The following THSD7B variants were observed in gnomAD, a reference collection of about 807,000 sequenced individuals.
The protein encoded by THSD7B is thrombospondin type-1 domain-containing protein 7B.
THSD7B carries 138 observed loss-of-function variants against 213.6 expected under a neutral mutation model. That is an observed-to-expected ratio of 0.65 (90% CI 0.56 to 0.74). The LOEUF (loss-of-function observed/expected upper bound fraction) is 0.74, where lower values mean the gene tolerates loss of function less well. Among genes scored for constraint, THSD7B ranks in the 30% least tolerant of loss-of-function variants. The pLI, the probability that THSD7B is intolerant of heterozygous loss-of-function variation, is 0.00. For missense variants in THSD7B, 1,931 were observed against 1,991.5 expected, an observed-to-expected ratio of 0.97 and a Z score of 0.58; for synonymous variants, 742 against 687.0, an observed-to-expected ratio of 1.08 and a Z score of -1.25.
intron 10 of THSD7B, among the ~76,000 whole-genome samples, chr2:137,254,915 A>G (rs540396392): frequency 4.8e-4 from 73 of 152,152 alleles, no homozygotes; most frequent in Non-Finnish European, 4.1e-4. Context: ...ATGTCGAGAC[A>G]GAGAAAGAGT....
chr2:136,933,451 C>A (rs537467828), intron 2 of THSD7B, among the ~76,000 whole-genome samples: 1 of 152,100 alleles, frequency 6.6e-6, no homozygotes, highest in East Asian at 1.9e-4. Flanking sequence ...TGGTAGCTGG[C>A]GCCTGTAGTC....
intron 14 of THSD7B, among the ~76,000 whole-genome samples, chr2:137,418,939 G>C (rs1311111312): frequency 6.6e-6 from 1 of 150,676 alleles, no homozygotes; most frequent in African/African-American, 2.4e-5. Flanking sequence ...ATGGAGTCTA[G>C]CTCTGTCACC....
At chr2:136,983,350 G>GACACACAC (rs1440218135) in intron 2 of THSD7B, among the ~76,000 whole-genome samples, 2 of 53,106 alleles carry the variant, frequency 3.8e-5, no homozygotes, top group South Asian at 1.0e-3. Flanking sequence ...CACACACACA[G>GACACACAC]ACACACAGAC....
chr2:137,654,130 G>C (rs1406431459), intron 21 of THSD7B, among the ~76,000 whole-genome samples: 1 of 151,636 alleles, frequency 6.6e-6, no homozygotes, highest in Non-Finnish European at 1.5e-5. Context: ...GCTAAGTTCT[G>C]GCCTTCTTTT....
At chr2:137,370,609 C>A (rs1685519575) in intron 12 of THSD7B, among the ~76,000 whole-genome samples, 1 of 152,118 alleles carries the variant, frequency 6.6e-6, no homozygotes, top group African/African-American at 2.4e-5. Context: ...ACTGGGATTA[C>A]AGGCATACAC....
intron 2 of THSD7B, among the ~76,000 whole-genome samples, chr2:136,906,082 C>T (rs1684155076): frequency 6.6e-6 from 1 of 152,198 alleles, no homozygotes. Context: ...ACCTTCTGCC[C>T]TGCTCACTGT....
chr2:137,603,337 T>C (rs573653317), intron 17 of THSD7B, among the ~76,000 whole-genome samples: 4 of 152,336 alleles, frequency 2.6e-5, no homozygotes, highest in African/African-American at 9.6e-5. Context: ...ACAGCGACTT[T>C]AGTTTCTTTT....
chr2:137,546,617 T>A (rs1348760159), intron 15 of THSD7B, among the ~76,000 whole-genome samples: 1 of 144,046 alleles, frequency 6.9e-6, no homozygotes, highest in Non-Finnish European at 1.5e-5. Flanking sequence ...TTTTTGTTTG[T>A]TTTTTACAGA....
chr2:137,356,886 C>G (rs1685141186), intron 12 of THSD7B, among the ~76,000 whole-genome samples: 1 of 151,658 alleles, frequency 6.6e-6, no homozygotes, highest in African/African-American at 2.4e-5. Flanking sequence ...AATACAGTGT[C>G]AATACCTACT....
chr2:137,156,176 A>G (rs1679905949), intron 5 of THSD7B: 1 of 152,212 alleles, frequency 6.6e-6, no homozygotes, highest in African/African-American at 2.4e-5. Context: ...ATGACTTGCT[A>G]AGTGGTCTGA....
Position 136,812,097 on chromosome 2 carries a change from G to T in THSD7B, c.-36+46410G>T, listed in dbSNP as rs77445478. On this transcript the variant is annotated intron_variant, in intron 1 of 27. Transcript: ENST00000409968. ...AGAGCAATATTTCTCAAACTTCTTA[G>T]GATCTTGTGAATTATGTTTAAGTGA... Among the ~76,000 whole-genome samples, 27 of 152,268 alleles carry T rather than the reference G, an allele frequency of 1.8e-4. No individual in the cohort carries two copies. The East Asian group carries it at 5.2e-3, about 29-fold the overall frequency.
rs772514554 is a variant in THSD7B at position 137,663,460 on chromosome 2, A to G, written c.4536A>G (p.Val1512=). 8.8e-6 allele frequency: 14 copies of G among 1,597,732 alleles called. No individual in the cohort carries two copies. The East Asian group carries it at 3.1e-4, about 36-fold the overall frequency. The stretch of plus-strand genomic sequence containing the variant: ...GTTTCCTGGATTACTGCATGAAAGT[A>G]CCAGGCTCAGAGGATAAAAAAGCTG... The part of the protein sequence containing the change: ...SNGFLDYCMK[V]PGSEDKKADV... The change falls in exon 26 of 28, where the codon GTA becomes GTG. Residue 1512 remains valine (V), a synonymous_variant. Coordinates refer to ENST00000409968, the MANE Select transcript of THSD7B (RefSeq NM_001316349.2).
At chr2:137,315,814 G>A (rs1320127034) in intron 12 of THSD7B, among the ~76,000 whole-genome samples, 2 of 152,120 alleles carry the variant, frequency 1.3e-5, no homozygotes, top group African/African-American at 2.4e-5. Context: ...GCTGCCTGTT[G>A]TAATTTCTCA....
chr2:136,996,510 TA>T (rs201710917), intron 2 of THSD7B, among the ~76,000 whole-genome samples: 7,964 of 151,178 alleles, frequency 0.053, 288 homozygotes, highest in East Asian at 0.12. Flanking sequence ...CCTGGCTAAT[TA>T]AAAAAAAATT....
At chr2:137,002,804 A>C (rs1294897881) in intron 2 of THSD7B, among the ~76,000 whole-genome samples, 2 of 152,110 alleles carry the variant, frequency 1.3e-5, no homozygotes, top group East Asian at 3.8e-4. Context: ...ATTACTTTAA[A>C]AACTATATTT....
chr2:136,938,782 T>G (rs1299445159), intron 2 of THSD7B, among the ~76,000 whole-genome samples: 1 of 152,176 alleles, frequency 6.6e-6, no homozygotes, highest in African/African-American at 2.4e-5. Context: ...CAATGGATGA[T>G]GCCCCCATTG....
chr2:137,032,378 A>G (rs1246612538), intron 2 of THSD7B, among the ~76,000 whole-genome samples: 1 of 152,180 alleles, frequency 6.6e-6, no homozygotes, highest in Admixed American at 6.5e-5. Flanking sequence ...TTATCTCTGT[A>G]TATACTTGCA....
At chr2:136,955,681 A>G (rs1328160432) in intron 2 of THSD7B, among the ~76,000 whole-genome samples, 1 of 152,210 alleles carries the variant, frequency 6.6e-6, no homozygotes, top group Non-Finnish European at 1.5e-5. Context: ...AAGGATGTGA[A>G]TGTAAAAGCA....
intron 4 of THSD7B, among the ~76,000 whole-genome samples, chr2:137,102,332 A>ATAGCATCAACATCAACAAAAAGGAC (rs1251648093): frequency 6.6e-6 from 1 of 152,088 alleles, no homozygotes; most frequent in African/African-American, 2.4e-5. Flanking sequence ...ACAAAAAGGA[A>ATAGCATCAACATCAACAAAAAGGAC]TAGCATCAAC....
Sources: allele counts gnomAD v4.1 joint callset (sites outside exome capture counted in the v4.1 genomes callset), GRCh38; gene constraint gnomAD v4.1.1; transcripts MANE v1.5; gene names NCBI Gene and HGNC (gene_info 2026-07-23, HGNC 2026-07-21).